RAMP3: variants seen among roughly 807,000 people sequenced by gnomAD.
RAMP3 encodes receptor activity-modifying protein 3.
Under a neutral mutation model 13.5 loss-of-function variants are expected in RAMP3, and 14 were observed. That is an observed-to-expected ratio of 1.04 (90% confidence interval 0.69 to 1.63). The LOEUF (loss-of-function observed/expected upper bound fraction) is 1.63, where lower values mean the gene tolerates loss of function less well. RAMP3 is among the 40% of genes most tolerant of loss of function. The pLI is 0.00. For missense variants in RAMP3, 200 were observed against 204.8 expected (o/e 0.98, Z 0.14); for synonymous variants, 106 against 88.3 (o/e 1.20, Z -1.12).
chr7:45,166,836 C>T (rs536516167), intron 1 of RAMP3, among the ~76,000 whole-genome samples: 74 of 151,270 alleles, frequency 4.9e-4, no homozygotes, highest in African/African-American at 1.7e-3. Flanking sequence ...AGTGCAGTGG[C>T]GCAATCTCAG....
At chr7:45,172,212 C>T (rs1786096552) in intron 1 of RAMP3, among the ~76,000 whole-genome samples, 1 of 152,220 alleles carries the variant, frequency 6.6e-6, no homozygotes, top group South Asian at 2.1e-4. Context: ...AGGGACATGC[C>T]TGCTTGTCCC....
intron 2 of RAMP3, among the ~76,000 whole-genome samples, chr7:45,178,735 C>T (rs868812507): frequency 2.0e-5 from 3 of 152,214 alleles, no homozygotes; most frequent in Non-Finnish European, 2.9e-5. Context: ...GTCATAGCTT[C>T]GTAGCTTCTG....
chr7:45,176,944 C>T (rs996116871), intron 1 of RAMP3, among the ~76,000 whole-genome samples: 11 of 152,198 alleles, frequency 7.2e-5, no homozygotes, highest in African/African-American at 2.7e-4. Context: ...TCCCAGGCCC[C>T]TGGGACTCCT....
Position 45,183,604 on chromosome 7 carries a change from A to G in RAMP3, c.*192A>G. 1 of 754,206 alleles carries G rather than the reference A, an allele frequency of 1.3e-6. No individual in the cohort carries two copies. Among genetic ancestry groups the G allele is most frequent in the Non-Finnish European group, 2.1e-6 (1 of 471,438 alleles). 46.7% of individuals were successfully genotyped at this position (754,206 alleles called of 1,614,324 possible). On this transcript the variant is annotated 3_prime_UTR_variant, in exon 3 of 3. Coordinates refer to ENST00000242249, the MANE Select transcript of RAMP3 (RefSeq NM_005856.3). ...CTGCTCCCTGGCTGAGGCTCAGGCT[A>G]TCCGCCCAAGCTCTTTGCTCATTCT...
Position 45,177,382 on chromosome 7 carries a change from C to G in RAMP3, c.132C>G (p.Phe44Leu), listed in dbSNP as rs757707650. 6.2e-7 allele frequency: 1 copy of G among 1,613,996 alleles called. No individual in the cohort carries two copies. The highest frequency in any genetic ancestry group is 1.3e-5 in the African/African-American group (1 of 74,908). Residue 44 changes from phenylalanine to leucine, a missense_variant, in exon 2 of 3, where the codon TTC becomes TTG. Phe to Leu is a conservative substitution (Grantham distance 22). Coordinates refer to ENST00000242249, the MANE Select transcript of RAMP3 (RefSeq NM_005856.3). ...LERLPLCGKA[F>L]ADMMGKVDVW... ...GGCTGCCCCTGTGTGGGAAGGCTTT[C>G]GCAGACATGATGGGCAAGGTGGACG...
chr7:45,181,502 G>A (rs1259439267), intron 2 of RAMP3, among the ~76,000 whole-genome samples: 1 of 152,192 alleles, frequency 6.6e-6, no homozygotes, highest in Non-Finnish European at 1.5e-5. Flanking sequence ...GTTGGGGGGT[G>A]GCATTCCTGG....
intron 1 of RAMP3, chr7:45,163,999 T>C: frequency 1.7e-6 from 1 of 575,930 alleles, no homozygotes; most frequent in Non-Finnish European, 2.2e-6. Flanking sequence ...ACTTCTGCCT[T>C]TCTATTAGAC....
chr7:45,178,768 G>T (rs1385169330), intron 2 of RAMP3, among the ~76,000 whole-genome samples: 1 of 152,242 alleles, frequency 6.6e-6, no homozygotes, highest in East Asian at 1.9e-4. Flanking sequence ...TCTGTAACCC[G>T]CTAAAGCCTT....
At chr7:45,173,046 C>T (rs948706377) in intron 1 of RAMP3, among the ~76,000 whole-genome samples, 2 of 152,212 alleles carry the variant, frequency 1.3e-5, no homozygotes, top group African/African-American at 4.8e-5. Flanking sequence ...TGGGGCCTTT[C>T]ATTAGACTTC....
rs1159516694 is a variant in RAMP3 at position 45,183,403 on chromosome 7, G to A, written c.438G>A (p.Thr146=). Residue 146 remains threonine, a synonymous_variant, in exon 3 of 3, where the codon ACG becomes ACA. Coordinates refer to ENST00000242249, the MANE Select transcript of RAMP3 (RefSeq NM_005856.3). ...TGTGGCGCAGCAAACGCACCGACACGCTGCTGTGAGGGTCCCGGTGAGATG... is the reference window on the plus strand; with the variant it reads ...TGTGGCGCAGCAAACGCACCGACACACTGCTGTGAGGGTCCCGGTGAGATG... ...LVVWRSKRTD[T]LL is the part of the protein sequence containing the mutation. The A allele has an allele frequency of 7.4e-6, 12 of 1,612,194 alleles. No individual in the cohort carries two copies. Among genetic ancestry groups the A allele is most frequent in the Admixed American group, 3.3e-5 (2 of 60,010 alleles).
At chr7:45,176,771 C>T (rs1272292476) in intron 1 of RAMP3, among the ~76,000 whole-genome samples, 1 of 152,242 alleles carries the variant, frequency 6.6e-6, no homozygotes, top group Non-Finnish European at 1.5e-5. Context: ...GACTCATTCC[C>T]ATTGCTGGGA....
Position 45,165,054 on chromosome 7 carries a change from A to G in RAMP3, c.58+7168A>G, listed in dbSNP as rs536856492. On this transcript the variant is annotated intron_variant, in intron 1 of 2. Coordinates refer to ENST00000242249, the MANE Select transcript of RAMP3 (RefSeq NM_005856.3). ...CCTTCTTTTGGACTTAGTATTTATT[A>G]TTATTACTCCATTTCTTTTTCCTCT... Among the ~76,000 whole-genome samples the G allele has an allele frequency of 3.9e-5, 6 of 152,046 alleles. No homozygotes were observed. In the East Asian group the frequency reaches 9.7e-4, roughly 24 times the overall value.
chr7:45,160,129 G>A (rs1441823222), intron 1 of RAMP3, among the ~76,000 whole-genome samples: 2 of 151,792 alleles, frequency 1.3e-5, no homozygotes, highest in East Asian at 1.9e-4. Flanking sequence ...TCAGGAGATC[G>A]AGACCATCCT....
At chr7:45,179,160 G>A (rs1361102494) in intron 2 of RAMP3, among the ~76,000 whole-genome samples, 1 of 152,184 alleles carries the variant, frequency 6.6e-6, no homozygotes, top group Non-Finnish European at 1.5e-5. Context: ...GCTGGAGAGA[G>A]CGGCTGATAC....
intron 1 of RAMP3, among the ~76,000 whole-genome samples, chr7:45,171,306 C>T (rs1754528457): frequency 6.6e-6 from 1 of 152,050 alleles, no homozygotes; most frequent in Non-Finnish European, 1.5e-5. Context: ...CAGGTGTGCA[C>T]CACTGTGCCC....
At chr7:45,172,879 C>A (rs955611756) in intron 1 of RAMP3, among the ~76,000 whole-genome samples, 2 of 152,162 alleles carry the variant, frequency 1.3e-5, no homozygotes, top group African/African-American at 4.8e-5. Flanking sequence ...CCATCCAGGT[C>A]ATGTGAATTT....
intron 2 of RAMP3, among the ~76,000 whole-genome samples, chr7:45,179,507 C>A (rs1053712872): frequency 3.9e-5 from 6 of 152,126 alleles, no homozygotes; most frequent in African/African-American, 7.2e-5. Flanking sequence ...CTTCAGAGGG[C>A]AACAACTATC....
chr7:45,181,456 G>A (rs1413408730), intron 2 of RAMP3, among the ~76,000 whole-genome samples: 1 of 152,206 alleles, frequency 6.6e-6, no homozygotes, highest in East Asian at 1.9e-4. Flanking sequence ...GTCTTCTCCA[G>A]GGTCTGTCTG....
chr7:45,177,506 C>A, intron 2 of RAMP3, 65 bp downstream of exon 2: 2 of 1,603,706 alleles, frequency 1.2e-6, no homozygotes. Context: ...CCAACCACTG[C>A]CTGACCACAG....
Sources: allele counts gnomAD v4.1 joint callset (sites outside exome capture counted in the v4.1 genomes callset), GRCh38; gene constraint gnomAD v4.1.1; transcripts MANE v1.5; gene names NCBI Gene and HGNC (gene_info 2026-07-23, HGNC 2026-07-21).